The following ARSG variants were observed in gnomAD, a reference collection of about 807,000 sequenced individuals.
ARSG encodes the protein ASG.
ARSG carries 37 observed loss-of-function variants against 50.5 expected under a neutral mutation model. The ratio of observed to expected loss-of-function variants is 0.73; its 90% confidence interval spans 0.56 to 0.96. The LOEUF (loss-of-function observed/expected upper bound fraction) is 0.96. Among genes scored for constraint, ARSG ranks in the 50% least tolerant of loss-of-function variants. The probability of loss-of-function intolerance (pLI) is 0.00; values close to 1 mark genes in which losing one functional copy is unlikely to be tolerated. For synonymous variants in ARSG, 225 were observed against 254.6 expected, an observed-to-expected ratio of 0.88 and a Z score of 1.11; for missense variants, 629 against 675.3, an observed-to-expected ratio of 0.93 and a Z score of 0.76.
At chr17:68,401,303 A>T in intron 10 of ARSG, 57 bp from the exon 11 acceptor site, 5 of 1,478,636 alleles carry the variant, frequency 3.4e-6, no homozygotes, top group South Asian at 1.1e-5. Context: ...GATTACAGGC[A>T]TGAGTCACCG....
chr17:68,425,375 TTC>T (rs2083094018), downstream of ARSG, among the ~76,000 whole-genome samples: 1 of 125,014 alleles, frequency 8.0e-6, no homozygotes, highest in South Asian at 2.5e-4. Context: ...GGCTAATTTT[TTC>T]TTTTCTTTTT....
rs548315664 is a variant in ARSG at position 68,409,734 on chromosome 17, T to C, written c.1303+8284T>C. ...GGGCAGTATGGCCATTTTCACGATA[T>C]TGATTCTTCCTACCCATGAGCATGG... On this transcript the variant is annotated intron_variant, in intron 11 of 11. Transcript: ENST00000621439. Among the ~76,000 whole-genome samples, 3 of 150,834 alleles carry C rather than the reference T, an allele frequency of 2.0e-5. No homozygotes were observed. In the East Asian group the frequency reaches 5.8e-4, roughly 29 times the overall value.
intron 7 of ARSG, 118 bp from the exon 8 acceptor site, chr17:68,370,326 T>C (rs2079768904): frequency 1.2e-6 from 1 of 847,918 alleles, no homozygotes; most frequent in African/African-American, 1.7e-5. Flanking sequence ...TGTTTGTCTT[T>C]ATAAGTCCTT....
intron 6 of ARSG, among the ~76,000 whole-genome samples, chr17:68,363,807 G>A (rs2079412216): frequency 6.6e-6 from 1 of 152,164 alleles, no homozygotes; most frequent in South Asian, 2.1e-4. Context: ...GCCAGATCAA[G>A]TCTGGGTTAG....
intron 2 of ARSG, among the ~76,000 whole-genome samples, chr17:68,317,528 A>C (rs1374426059): frequency 6.6e-6 from 1 of 151,510 alleles, no homozygotes; most frequent in Non-Finnish European, 1.5e-5. Flanking sequence ...TCTCTTTATC[A>C]GAGGGCGTTG....
intron 11 of ARSG, among the ~76,000 whole-genome samples, chr17:68,403,424 A>G (rs939670201): frequency 2.0e-5 from 3 of 152,240 alleles, no homozygotes; most frequent in South Asian, 2.1e-4. Flanking sequence ...GAGTCTGGGT[A>G]GGGAGCACTG....
intron 1 of ARSG, chr17:68,278,392 C>G: frequency 1.0e-6 from 1 of 980,054 alleles, no homozygotes; most frequent in Non-Finnish European, 1.6e-6. Flanking sequence ...TTCTCATACT[C>G]TTAAGCAAAC....
chr17:68,285,218 C>T (rs988739978), intron 1 of ARSG, among the ~76,000 whole-genome samples: 1 of 152,226 alleles, frequency 6.6e-6, no homozygotes, highest in African/African-American at 2.4e-5. Flanking sequence ...CAAATTGGCA[C>T]AGTTGTTCTA....
chr17:68,329,824 C>T (rs1474578048), intron 2 of ARSG, among the ~76,000 whole-genome samples: 1 of 152,026 alleles, frequency 6.6e-6, no homozygotes, highest in African/African-American at 2.4e-5. Flanking sequence ...AAAAAAATCA[C>T]AAAAAAATCA....
rs1307270059 is a variant in ARSG at position 68,367,298 on chromosome 17, CA to C, written c.705-1249del. Among the ~76,000 whole-genome samples, 5 of 152,086 alleles carry C rather than the reference CA, an allele frequency of 3.3e-5. No individual in the cohort carries two copies. The highest frequency in any genetic ancestry group is 1.3e-4 in the Admixed American group (2 of 15,264). ...GCGGCAGACCCTGGGAGCCAGGGTG[CA>C]GGGGGGATTTGAGGGCACAGTTGGC... On this transcript the variant is annotated intron_variant, in intron 6 of 11. Coordinates refer to ENST00000621439, the MANE Select transcript of ARSG (RefSeq NM_001267727.2). The surrounding 1 kb of genome is among the most constrained non-coding windows in gnomAD (Gnocchi z 4.5).
intron 5 of ARSG, among the ~76,000 whole-genome samples, chr17:68,356,125 G>A (rs1213599082): frequency 6.6e-6 from 1 of 152,160 alleles, no homozygotes; most frequent in East Asian, 1.9e-4. Flanking sequence ...CAAGTGATCT[G>A]CTGGCCTCGG....
intron 11 of ARSG, among the ~76,000 whole-genome samples, chr17:68,411,071 C>T (rs1325732067): frequency 1.3e-5 from 2 of 152,154 alleles, no homozygotes; most frequent in East Asian, 3.8e-4. Flanking sequence ...TTTCAAAAAA[C>T]CAGCTCCTGG....
intron 6 of ARSG, among the ~76,000 whole-genome samples, chr17:68,357,057 G>A (rs1324022949): frequency 1.3e-5 from 2 of 152,156 alleles, no homozygotes; most frequent in Non-Finnish European, 2.9e-5. Flanking sequence ...CTTTGATCAC[G>A]TTCCACTGCC....
At chr17:68,336,995 C>G (rs1336875680) in intron 2 of ARSG, among the ~76,000 whole-genome samples, 1 of 152,096 alleles carries the variant, frequency 6.6e-6, no homozygotes, top group African/African-American at 2.4e-5. Context: ...TCTATGGAGG[C>G]CGTGATAGTG....
rs1213623022 is a variant in ARSG, at chr17:68,378,139, G to A, written c.983-6925G>A. Among the ~76,000 whole-genome samples the A allele has an allele frequency of 6.6e-6, 1 of 152,166 alleles. No homozygotes were observed. Among genetic ancestry groups the A allele is most frequent in the Non-Finnish European group, 1.5e-5 (1 of 68,036 alleles). On this transcript the variant is annotated intron_variant, in intron 8 of 11. Coordinates refer to ENST00000621439, the MANE Select transcript of ARSG (RefSeq NM_001267727.2). The surrounding 1 kb of genome is among the most constrained non-coding windows in gnomAD (Gnocchi z 4.4). ...CATGTCCTGTGAGTCAAGGGGGCTG[G>A]GGTCCCTCTGGTCACCTGCTCCTCT...
In ARSG at chr17:68,299,547, GA is replaced by G. The variant is rs369326313; in HGVS notation, c.-551-7392del. 1.3e-3 allele frequency among the ~76,000 whole-genome samples: 193 copies of G among 152,060 alleles called. 2 individuals carry two copies. The highest frequency in any genetic ancestry group is 4.5e-3 in the African/African-American group (187 of 41,464). On this transcript the variant is annotated intron_variant, in intron 1 of 11. Transcript: ENST00000621439. The stretch of plus-strand genomic sequence containing the variant: ...CTAGATCTACAAGCCAGTTTACCAG[GA>G]AAACGGGTCCAGGGAACATTTCAAT...
At chr17:68,299,137 C>A (rs2076319091) in intron 1 of ARSG, among the ~76,000 whole-genome samples, 1 of 138,794 alleles carries the variant, frequency 7.2e-6, no homozygotes, top group African/African-American at 2.7e-5. Flanking sequence ...CAGAGTCTCA[C>A]TCTGTTGCCC....
rs960066269 is a variant in ARSG at position 68,379,507 on chromosome 17, C to T, written c.983-5557C>T. Among the ~76,000 whole-genome samples the T allele has an allele frequency of 1.0e-3, 137 of 134,910 alleles. 2 individuals are homozygous for T. Among genetic ancestry groups the T allele is most frequent in the Non-Finnish European group, 3.7e-4 (24 of 65,406 alleles). 88.5% of individuals were successfully genotyped at this position (134,910 alleles called of 152,430 possible). A position where few individuals can be genotyped will look rare whatever the true frequency, so the allele number is the denominator to read the frequency against. On this transcript the variant is annotated intron_variant, in intron 8 of 11. Coordinates refer to ENST00000621439, the MANE Select transcript of ARSG (RefSeq NM_001267727.2). ...GCCCAGGCTGGTTTCGAACTCCTGGCTTCAAGTGATCTTCCTTGCATCGGC... is the reference window on the plus strand; with the variant it reads ...GCCCAGGCTGGTTTCGAACTCCTGGTTTCAAGTGATCTTCCTTGCATCGGC...
intron 11 of ARSG, among the ~76,000 whole-genome samples, chr17:68,404,469 T>A (rs976360460): frequency 2.6e-5 from 4 of 152,238 alleles, no homozygotes; most frequent in Admixed American, 6.5e-5. Context: ...TTCCATTGAT[T>A]CTTTTTCTTT....
Sources: gnomAD v4.1 joint callset for allele counts (sites outside exome capture counted in the v4.1 genomes callset) on GRCh38, gnomAD v4.1.1 for gene constraint, Gnocchi (gnomAD v3.1) non-coding constraint, MANE v1.5 for transcripts, NCBI Gene and HGNC (gene_info 2026-07-23, HGNC 2026-07-21) for gene names.